The following OPCML variants were observed in gnomAD, a reference collection of about 807,000 sequenced individuals.
The protein encoded by OPCML is opioid-binding protein/cell adhesion molecule.
In OPCML, 13 loss-of-function variants were observed where a neutral mutation model predicts 37.8. The ratio of observed to expected loss-of-function variants is 0.34; its 90% CI spans 0.22 to 0.55. The LOEUF (loss-of-function observed/expected upper bound fraction) is 0.55, where lower values mean the gene tolerates loss of function less well. Among genes scored for constraint, OPCML ranks in the 20% least tolerant of loss-of-function variants. The pLI, the probability that OPCML is intolerant of heterozygous loss-of-function variation, is 0.91. For synonymous variants in OPCML, 176 were observed against 168.8 expected (o/e 1.04, Z -0.33); for missense variants, 341 against 435.6 (o/e 0.78, Z 1.93).
At chr11:133,008,135 G>A in intron 1 of OPCML, 2 of 985,368 alleles carry the variant, frequency 2.0e-6, no homozygotes, top group South Asian at 4.7e-5. Flanking sequence ...CAAGCCTCTT[G>A]GGCAGAAAGA....
At chr11:133,351,197 G>A (rs1944129323) in intron 1 of OPCML, among the ~76,000 whole-genome samples, 1 of 152,090 alleles carries the variant, frequency 6.6e-6, no homozygotes, top group Non-Finnish European at 1.5e-5. Context: ...TAGTTTTTGT[G>A]GTCTGGGGCT....
intron 1 of OPCML, among the ~76,000 whole-genome samples, chr11:133,160,584 C>T (rs1950128253): frequency 6.6e-6 from 1 of 152,242 alleles, no homozygotes; most frequent in African/African-American, 2.4e-5. Flanking sequence ...CATTGGCCTA[C>T]CAACTTGATG....
intron 1 of OPCML, among the ~76,000 whole-genome samples, chr11:133,056,342 A>G (rs540199633): frequency 1.3e-5 from 2 of 152,354 alleles, no homozygotes; most frequent in Admixed American, 1.3e-4. Flanking sequence ...GATTAGCTTC[A>G]TAAACATCTG....
chr11:132,847,889 T>A (rs937179700), intron 2 of OPCML, among the ~76,000 whole-genome samples: 2 of 152,220 alleles, frequency 1.3e-5, no homozygotes, highest in Admixed American at 6.5e-5. Context: ...TGCTTCAAGT[T>A]CCAGCTTCCC....
chr11:132,924,127 A>G (rs954475611), intron 2 of OPCML, among the ~76,000 whole-genome samples: 9 of 149,728 alleles, frequency 6.0e-5, no homozygotes, highest in Admixed American at 1.3e-4. Context: ...AAAAAAAACT[A>G]TGTGTGTGTG....
At chr11:133,474,200 C>T (rs747137029) in intron 1 of OPCML, among the ~76,000 whole-genome samples, 22 of 152,120 alleles carry the variant, frequency 1.4e-4, no homozygotes, top group African/African-American at 4.8e-4. Flanking sequence ...TCTTAATTGG[C>T]CAGTCTCTGA....
At chr11:132,956,265 C>T (rs763234242) in intron 1 of OPCML, among the ~76,000 whole-genome samples, 4 of 151,908 alleles carry the variant, frequency 2.6e-5, no homozygotes, top group Non-Finnish European at 4.4e-5. Context: ...AGCAGGTAGC[C>T]GTACCACGTG....
chr11:133,418,961 C>A (rs1945825101), intron 1 of OPCML, among the ~76,000 whole-genome samples: 1 of 152,230 alleles, frequency 6.6e-6, no homozygotes. Flanking sequence ...GCCCCACAGG[C>A]ACCCAGAGAC....
At chr11:133,028,622 T>C (rs543687840) in intron 1 of OPCML, among the ~76,000 whole-genome samples, 2 of 151,716 alleles carry the variant, frequency 1.3e-5, no homozygotes, top group South Asian at 4.2e-4. Context: ...AGTTCCCCCA[T>C]AGTTGCTAAA....
intron 1 of OPCML, among the ~76,000 whole-genome samples, chr11:133,313,959 G>A (rs1326285617): frequency 6.6e-6 from 1 of 152,144 alleles, no homozygotes; most frequent in Admixed American, 6.5e-5. Flanking sequence ...TTTCAGGCTG[G>A]GCGCAGTGGC....
intron 1 of OPCML, among the ~76,000 whole-genome samples, chr11:133,046,351 A>G (rs1319770546): frequency 6.6e-6 from 1 of 152,186 alleles, no homozygotes; most frequent in East Asian, 1.9e-4. Context: ...AATGACTAAC[A>G]ATCAAATTTG....
intron 2 of OPCML, among the ~76,000 whole-genome samples, chr11:132,704,677 A>G (rs145547647): frequency 9.8e-4 from 150 of 152,366 alleles, no homozygotes; most frequent in African/African-American, 3.5e-3. Context: ...GAAATGTAGA[A>G]TAAGTTTGAG....
intron 4 of OPCML, among the ~76,000 whole-genome samples, chr11:132,489,685 T>C (rs2096209965): frequency 6.6e-6 from 1 of 152,096 alleles, no homozygotes; most frequent in Non-Finnish European, 1.5e-5. Context: ...ATTATTATTT[T>C]ATTATACTTT....
intron 1 of OPCML, among the ~76,000 whole-genome samples, chr11:133,131,760 C>G (rs1949607895): frequency 6.6e-6 from 1 of 152,194 alleles, no homozygotes; most frequent in Non-Finnish European, 1.5e-5. Flanking sequence ...GCTGTCTTAA[C>G]ATGTTTGAAC....
Position 132,432,043 on chromosome 11 carries a change from G to T in OPCML, c.916+4043C>A, listed in dbSNP as rs2095998818. Among the ~76,000 whole-genome samples the T allele has an allele frequency of 1.3e-5, 2 of 152,206 alleles. 1 individual carries two copies. The highest frequency in any genetic ancestry group is 1.3e-4 in the Admixed American group (2 of 15,290). ...AAAGTCACCATGTCCATGATGGGTT[G>T]CCAGGTCTTATGAGCTGGATTGCAA... On this transcript the variant is annotated intron_variant, in intron 7 of 7. Transcript: ENST00000524381.
At chr11:132,491,584 C>T (rs1285904324) in intron 4 of OPCML, among the ~76,000 whole-genome samples, 1 of 152,254 alleles carries the variant, frequency 6.6e-6, no homozygotes, top group African/African-American at 2.4e-5. Flanking sequence ...CTCTCTTTCC[C>T]CTTCCCTTGT....
chr11:132,864,878 T>A lies in OPCML; in HGVS notation c.146+78048A>T, dbSNP rs552515058. Among the ~76,000 whole-genome samples the A allele has an allele frequency of 2.6e-5, 4 of 152,342 alleles. No individual in the cohort carries two copies. In the South Asian group the frequency reaches 8.3e-4, roughly 32 times the overall value. Reference sequence around the variant, plus strand: ...GACTTTAATGGGCGATTACTCAGCATCTACCCTGGGCCAGGCACTATGCTG... The same window carrying A: ...GACTTTAATGGGCGATTACTCAGCAACTACCCTGGGCCAGGCACTATGCTG... On this transcript the variant is annotated intron_variant, in intron 2 of 7. Coordinates refer to ENST00000524381, the MANE Select transcript of OPCML (RefSeq NM_001012393.5).
At chr11:132,423,294 T>C (rs1045682549) in intron 7 of OPCML, among the ~76,000 whole-genome samples, 3 of 152,188 alleles carry the variant, frequency 2.0e-5, no homozygotes, top group African/African-American at 7.2e-5. Context: ...CCATAGCAAT[T>C]TACTGCCAAA....
chr11:132,653,260 AG>A (rs1287212478), intron 3 of OPCML, among the ~76,000 whole-genome samples: 1 of 152,192 alleles, frequency 6.6e-6, no homozygotes, highest in Non-Finnish European at 1.5e-5. Context: ...TCCAGGTATG[AG>A]GATGAATGCT....
Sources: gnomAD v4.1 joint callset for allele counts (sites outside exome capture counted in the v4.1 genomes callset) on GRCh38, gnomAD v4.1.1 for gene constraint, MANE v1.5 for transcripts, NCBI Gene and HGNC (gene_info 2026-07-23, HGNC 2026-07-21) for gene names.